SDK1: variants seen among roughly 807,000 people sequenced by gnomAD.
SDK1 encodes sidekick cell adhesion molecule 1.
SDK1 carries 157 observed loss-of-function variants against 245.5 expected under a neutral mutation model. That is an observed-to-expected ratio of 0.64 (90% CI 0.56 to 0.73). SDK1 has a LOEUF of 0.73. Ranked by LOEUF, SDK1 falls within the 30% of genes least tolerant of loss-of-function variation. The pLI is 0.00. For missense variants in SDK1, 3,583 were observed against 3,002.3 expected (o/e 1.19, Z -4.52); for synonymous variants, 1,647 against 1,278.5 (o/e 1.29, Z -6.15).
chr7:3,549,515 C>G (rs73296250), intron 1 of SDK1, among the ~76,000 whole-genome samples: 4 of 152,138 alleles, frequency 2.6e-5, no homozygotes, highest in Non-Finnish European at 4.4e-5. Flanking sequence ...TTATGTCTTA[C>G]AGTATTCAGT....
chr7:3,527,648 G>A (rs992921842), intron 1 of SDK1, among the ~76,000 whole-genome samples: 2 of 151,218 alleles, frequency 1.3e-5, no homozygotes, highest in Admixed American at 6.6e-5. Context: ...AGTGGTGGGA[G>A]GTGAGGTTGG....
chr7:4,226,647 G>C (rs1403005728), intron 40 of SDK1, among the ~76,000 whole-genome samples: 3 of 152,170 alleles, frequency 2.0e-5, no homozygotes, highest in Non-Finnish European at 2.9e-5. Flanking sequence ...GCTTCCACCA[G>C]CATGGCCTGG....
intron 14 of SDK1, among the ~76,000 whole-genome samples, chr7:3,994,971 G>T (rs905786692): frequency 6.6e-5 from 10 of 152,180 alleles, no homozygotes; most frequent in Admixed American, 2.0e-4. Flanking sequence ...GGGCAGGAAG[G>T]CTTCAGGAAG....
intron 4 of SDK1, among the ~76,000 whole-genome samples, chr7:3,647,214 G>T (rs1040163623): frequency 5.9e-5 from 9 of 152,322 alleles, no homozygotes; most frequent in African/African-American, 2.2e-4. Flanking sequence ...TCACGCTATA[G>T]CAGTCTAGCC....
intron 5 of SDK1, among the ~76,000 whole-genome samples, chr7:3,884,807 A>G (rs1317922289): frequency 6.6e-6 from 1 of 152,210 alleles, no homozygotes; most frequent in African/African-American, 2.4e-5. Context: ...TGTGAAGGAC[A>G]AGGTAACTCC....
intron 1 of SDK1, among the ~76,000 whole-genome samples, chr7:3,438,047 A>C (rs932722873): frequency 2.0e-5 from 3 of 152,188 alleles, no homozygotes; most frequent in Non-Finnish European, 4.4e-5. Context: ...TAGATGAAGA[A>C]ATGGACTTGG....
intron 22 of SDK1, among the ~76,000 whole-genome samples, chr7:4,092,813 C>T (rs985998930): frequency 6.6e-6 from 1 of 152,158 alleles, no homozygotes; most frequent in Non-Finnish European, 1.5e-5. Context: ...CAGCCAAGCC[C>T]CGTCTCGAGG....
chr7:3,754,968 T>C (rs546179860), intron 4 of SDK1, among the ~76,000 whole-genome samples: 1 of 152,224 alleles, frequency 6.6e-6, no homozygotes, highest in Non-Finnish European at 1.5e-5. Flanking sequence ...GGCGATGTTT[T>C]ATCTAATTTC....
chr7:3,673,109 C>T (rs1480716309), intron 4 of SDK1, among the ~76,000 whole-genome samples: 1 of 152,042 alleles, frequency 6.6e-6, no homozygotes, highest in East Asian at 1.9e-4. Flanking sequence ...ATTTGTAAGG[C>T]AGCGGTTCCT....
intron 13 of SDK1, among the ~76,000 whole-genome samples, chr7:3,975,203 T>C (rs57016764): frequency 6.6e-6 from 1 of 152,238 alleles, no homozygotes; most frequent in Admixed American, 6.5e-5. Flanking sequence ...TGACACATTT[T>C]ATTTTTCTGA....
intron 20 of SDK1, among the ~76,000 whole-genome samples, chr7:4,075,292 G>A (rs370020593): frequency 9.9e-5 from 15 of 152,184 alleles, no homozygotes; most frequent in Non-Finnish European, 1.3e-4. Context: ...CAGGCTGTAC[G>A]GGGCCTGTGG....
rs572590510 is a variant in SDK1, at chr7:4,267,801, C to G, written c.*2417C>G. On this transcript the variant is annotated 3_prime_UTR_variant, in exon 45 of 45. Coordinates refer to ENST00000404826, the MANE Select transcript of SDK1 (RefSeq NM_152744.4). ...TTAGTAAACCTTGATCTGTACGGAGCGGCCTGTCCGAGGCTACGCCGGCCT... is the reference window on the plus strand; with the variant it reads ...TTAGTAAACCTTGATCTGTACGGAGGGGCCTGTCCGAGGCTACGCCGGCCT... 1.8e-4 allele frequency: 178 copies of G among 985,576 alleles called. No homozygotes were observed. The highest frequency in any genetic ancestry group is 1.7e-4 in the Non-Finnish European group (139 of 830,046). The allele number at this position is 985,576 out of a possible 1,614,324, so 61.1% of individuals were successfully genotyped here.
intron 1 of SDK1, among the ~76,000 whole-genome samples, chr7:3,563,414 T>C (rs1029963628): frequency 2.0e-5 from 3 of 151,536 alleles, no homozygotes; most frequent in Admixed American, 6.6e-5. Flanking sequence ...GAAGAGAGAG[T>C]ACACAAATAT....
intron 5 of SDK1, among the ~76,000 whole-genome samples, chr7:3,824,751 C>T (rs2115064461): frequency 6.6e-6 from 1 of 152,230 alleles, no homozygotes; most frequent in East Asian, 1.9e-4. Context: ...TTATGGGAAG[C>T]AAAAGATAGA....
chr7:4,080,358 C>A (rs1349463294), intron 22 of SDK1, among the ~76,000 whole-genome samples: 1 of 152,098 alleles, frequency 6.6e-6, no homozygotes, highest in Non-Finnish European at 1.5e-5. Flanking sequence ...TCTGCCACTT[C>A]CATGTTCCAA....
At chr7:3,461,731 G>T (rs965973534) in intron 1 of SDK1, among the ~76,000 whole-genome samples, 2 of 152,198 alleles carry the variant, frequency 1.3e-5, no homozygotes, top group Admixed American at 6.5e-5. Context: ...GAAGCCATTA[G>T]ATGGAAAAAA....
chr7:3,778,661 T>A (rs1464215723), intron 4 of SDK1, among the ~76,000 whole-genome samples: 1 of 152,242 alleles, frequency 6.6e-6, no homozygotes, highest in African/African-American at 2.4e-5. Flanking sequence ...AGATCAAACG[T>A]GAATCCACCA....
intron 1 of SDK1, among the ~76,000 whole-genome samples, chr7:3,399,870 T>G (rs1310905378): frequency 6.6e-6 from 1 of 152,118 alleles, no homozygotes; most frequent in Non-Finnish European, 1.5e-5. Context: ...CCATTTAAAT[T>G]TTTGGCTGGA....
chr7:3,381,380 G>C (rs1781482881), intron 1 of SDK1, among the ~76,000 whole-genome samples: 1 of 152,074 alleles, frequency 6.6e-6, no homozygotes, highest in Admixed American at 6.5e-5. Flanking sequence ...GCGACTTAGA[G>C]AAAGAGCACC....
Sources: allele counts gnomAD v4.1 joint callset (sites outside exome capture counted in the v4.1 genomes callset), GRCh38; gene constraint gnomAD v4.1.1; transcripts MANE v1.5; gene names NCBI Gene and HGNC (gene_info 2026-07-23, HGNC 2026-07-21).